Variants in REEP5 observed in about 807,000 individuals in gnomAD.
REEP5 encodes receptor expression-enhancing protein 5.
In REEP5, 24 loss-of-function variants were observed where a neutral mutation model predicts 22.4. The ratio of observed to expected loss-of-function variants is 1.07; its 90% CI spans 0.78 to 1.51. The LOEUF (loss-of-function observed/expected upper bound fraction) is 1.51, where lower values mean the gene tolerates loss of function less well. REEP5 is among the 40% of genes most tolerant of loss of function. REEP5 has a pLI of 0.00. For missense variants in REEP5, 252 were observed against 233.0 expected (o/e 1.08, Z -0.53); for synonymous variants, 103 against 88.6 (o/e 1.16, Z -0.92).
At chr5:112,903,750 T>C (rs1015395385) in intron 2 of REEP5, among the ~76,000 whole-genome samples, 1 of 152,072 alleles carries the variant, frequency 6.6e-6, no homozygotes, top group Non-Finnish European at 1.5e-5. Flanking sequence ...AGGGGAAAAA[T>C]TGTAGCTCAA....
chr5:112,918,693 C>G (rs1242558451), intron 2 of REEP5, among the ~76,000 whole-genome samples: 1 of 152,194 alleles, frequency 6.6e-6, no homozygotes, highest in African/African-American at 2.4e-5. Context: ...AATGCAAACT[C>G]CCTACCACCA....
intron 3 of REEP5, chr5:112,895,520 C>G (rs1252804862): frequency 6.6e-6 from 1 of 152,038 alleles, no homozygotes; most frequent in African/African-American, 2.4e-5. Context: ...TTTTGTACCT[C>G]TTCAATGTGA....
chr5:112,913,538 A>T (rs1296494181), intron 2 of REEP5, among the ~76,000 whole-genome samples: 1 of 25,638 alleles, frequency 3.9e-5, no homozygotes, highest in Non-Finnish European at 8.9e-5. Context: ...ACCCTGGCTA[A>T]AAAAAAAAAA....
rs1367075228 is a variant in REEP5 at position 112,890,106 on chromosome 5, C to T, written c.352-2923G>A. Among the ~76,000 whole-genome samples, 3 of 150,010 alleles carry T rather than the reference C, an allele frequency of 2.0e-5. 1 individual carries two copies. The highest frequency in any genetic ancestry group is 4.1e-4 in the East Asian group (2 of 4,834). ...CCTCCCAAAGTGCTGGGATTACAGG[C>T]GTGAGCCACCGCACCCGGCCACAAA... is the stretch of plus-strand genomic sequence containing the variant. On this transcript the variant is annotated intron_variant, in intron 3 of 4. Transcript: ENST00000379638.
At position 112,921,243 on chromosome 5, in the gene REEP5, C is replaced by T; in HGVS notation, c.132G>A (p.Leu44=). The T allele has an allele frequency of 6.2e-7, 1 of 1,614,144 alleles. No homozygotes were observed. ...AACCGAACACCAGGTACAAGGCCACCAGTCCGATGACACCTGGGGACCACA... is the reference window on the plus strand; with the variant it reads ...AACCGAACACCAGGTACAAGGCCACTAGTCCGATGACACCTGGGGACCACA... ...RSFIALGVIG[L]VALYLVFGYG... Residue 44 remains leucine (L), a synonymous_variant, in exon 2 of 5, where the codon CTG becomes CTA. Transcript: ENST00000379638.
chr5:112,902,537 GAAAGT>G lies in REEP5; in HGVS notation c.213-24_213-20del, dbSNP rs1257153973. The G allele has an allele frequency of 1.3e-6, 2 of 1,558,320 alleles. No homozygotes were observed. Among genetic ancestry groups the G allele is most frequent in the African/African-American group, 2.8e-5 (2 of 72,408 alleles). ...TTTAATTCTGAAAGGCAGTACAAAAGAAAGTATATCATTTGGTAAGATATCAATGA... is the reference window on the plus strand; with the variant it reads ...TTTAATTCTGAAAGGCAGTACAAAAGATATCATTTGGTAAGATATCAATGA... On this transcript the variant is annotated intron_variant, in intron 2 of 4. Transcript: ENST00000379638.
intron 3 of REEP5, chr5:112,892,051 G>T (rs769447970): frequency 1.3e-6 from 2 of 1,522,512 alleles, no homozygotes; most frequent in South Asian, 2.2e-5. Flanking sequence ...GAAAGAAAAA[G>T]AGGAAGCTGT....
Position 112,913,536 on chromosome 5 carries a change from T to TAAA in REEP5, c.212+7624_212+7626dup, listed in dbSNP as rs148324454. Reference sequence around the variant, plus strand: ...CTGGGTGACAGAGTATGACCCTGGCTAAAAAAAAAAAAAAAAAAAAAAAAA... The same window carrying TAAA: ...CTGGGTGACAGAGTATGACCCTGGCTAAAAAAAAAAAAAAAAAAAAAAAAAAAA... On this transcript the variant is annotated intron_variant, in intron 2 of 4. Transcript: ENST00000379638. Among the ~76,000 whole-genome samples the TAAA allele has an allele frequency of 5.9e-3, 386 of 65,468 alleles. 14 individuals are homozygous for TAAA. Among genetic ancestry groups the TAAA allele is most frequent in the African/African-American group, 0.019 (335 of 17,494 alleles). The allele number at this position is 65,468 out of a possible 152,430, so 42.9% of individuals were successfully genotyped here. A position where few individuals can be genotyped will look rare whatever the true frequency, so the allele number is the denominator to read the frequency against.
At chr5:112,892,746 G>A in intron 3 of REEP5, 1 of 1,613,976 alleles carries the variant, frequency 6.2e-7, no homozygotes, top group Non-Finnish European at 8.5e-7. Context: ...CCGAGAGGAG[G>A]GAGAAGATGG....
rs867980573 is a variant in REEP5 at position 112,884,280 on chromosome 5, C to G, written c.520+2735G>C. Among the ~76,000 whole-genome samples the G allele has an allele frequency of 2.6e-5, 4 of 152,336 alleles. No homozygotes were observed. In the South Asian group the frequency reaches 8.3e-4, roughly 32 times the overall value. ...GCAACTTCTTCCACCTCATCTCCTC[C>G]TGCACCCCTCTAGATCACTTCTTTT... On this transcript the variant is annotated intron_variant, in intron 4 of 4. Transcript: ENST00000379638.
At chr5:112,892,829 A>G (rs1466999331) in intron 3 of REEP5, 2 of 1,613,846 alleles carry the variant, frequency 1.2e-6, no homozygotes, top group Non-Finnish European at 1.7e-6. Flanking sequence ...TACAAAAGAA[A>G]TGGGGAATCC....
chr5:112,880,482 A>G (rs1768037415), intron 4 of REEP5, among the ~76,000 whole-genome samples: 1 of 152,200 alleles, frequency 6.6e-6, no homozygotes. Flanking sequence ...CTTGTCCACC[A>G]GCTGCCTGAT....
chr5:112,906,737 C>T (rs1025415008), intron 2 of REEP5, among the ~76,000 whole-genome samples: 3 of 152,178 alleles, frequency 2.0e-5, no homozygotes, highest in African/African-American at 7.2e-5. Flanking sequence ...CTTCTTCAGA[C>T]CTAGTGATTC....
At chr5:112,905,107 AT>A (rs1454884463) in intron 2 of REEP5, among the ~76,000 whole-genome samples, 2 of 152,222 alleles carry the variant, frequency 1.3e-5, no homozygotes, top group African/African-American at 4.8e-5. Flanking sequence ...AATTTAAAAA[AT>A]GTCTTTATGT....
At chr5:112,911,000 G>C (rs1394483641) in intron 2 of REEP5, among the ~76,000 whole-genome samples, 1 of 152,184 alleles carries the variant, frequency 6.6e-6, no homozygotes, top group Non-Finnish European at 1.5e-5. Context: ...GGAGTTAAGG[G>C]TATCCATGTG....
intron 2 of REEP5, among the ~76,000 whole-genome samples, chr5:112,904,932 C>T (rs1768921716): frequency 6.6e-6 from 1 of 152,060 alleles, no homozygotes; most frequent in Admixed American, 6.6e-5. Context: ...AATAAAAGAA[C>T]TCCAAATTGA....
chr5:112,921,282 G>A, intron 1 of REEP5, 26 bp from the exon 2 acceptor site: 2 of 1,610,378 alleles, frequency 1.2e-6, no homozygotes, highest in Non-Finnish European at 1.7e-6. Flanking sequence ...AGAGAAGTGG[G>A]TCGGGCAGCA....
intron 2 of REEP5, among the ~76,000 whole-genome samples, chr5:112,908,228 G>C (rs1317252645): frequency 6.6e-6 from 1 of 151,184 alleles, no homozygotes; most frequent in Non-Finnish European, 1.5e-5. Flanking sequence ...AGCCTCCTGA[G>C]TAGCTGGGAT....
chr5:112,897,410 G>T (rs1433090499), intron 3 of REEP5: 1 of 149,540 alleles, frequency 6.7e-6, no homozygotes, highest in East Asian at 2.0e-4. Context: ...TAAACAGTAG[G>T]ACAACAAGGA....
Sources: allele counts gnomAD v4.1 joint callset (sites outside exome capture counted in the v4.1 genomes callset), GRCh38; gene constraint gnomAD v4.1.1; transcripts MANE v1.5; gene names NCBI Gene and HGNC (gene_info 2026-07-23, HGNC 2026-07-21).